Variants in STK39 observed in about 807,000 individuals in gnomAD.
STK39 encodes serine/threonine kinase 39.
STK39 carries 20 observed loss-of-function variants against 77.8 expected under a neutral mutation model. The observed-to-expected ratio is 0.26, with a 90% CI of 0.18 to 0.37. The LOEUF (loss-of-function observed/expected upper bound fraction) is 0.37, where lower values mean the gene tolerates loss of function less well. Among genes scored for constraint, STK39 ranks in the 10% least tolerant of loss-of-function variants. STK39 has a pLI of 1.00. For missense variants in STK39, 479 were observed against 656.5 expected (o/e 0.73, Z 2.95); for synonymous variants, 246 against 234.1 (o/e 1.05, Z -0.47).
intron 1 of STK39, among the ~76,000 whole-genome samples, chr2:168,233,805 C>A (rs2105265799): frequency 6.6e-6 from 1 of 152,242 alleles, no homozygotes; most frequent in East Asian, 1.9e-4. Context: ...ACTACGATAT[C>A]CAACCAAAAG....
intron 5 of STK39, among the ~76,000 whole-genome samples, chr2:168,142,924 T>C (rs534870105): frequency 6.6e-6 from 1 of 152,354 alleles, no homozygotes; most frequent in South Asian, 2.1e-4. Context: ...GCTTATGTTA[T>C]ATACACAAAA....
intron 16 of STK39, among the ~76,000 whole-genome samples, chr2:167,981,571 C>CA (rs1319024768): frequency 6.6e-6 from 1 of 152,076 alleles, no homozygotes. Flanking sequence ...TTATGGAATA[C>CA]AAAAAAATCA....
intron 1 of STK39, among the ~76,000 whole-genome samples, chr2:168,218,367 A>G (rs1212817481): frequency 1.3e-5 from 2 of 152,242 alleles, no homozygotes; most frequent in Non-Finnish European, 2.9e-5. Flanking sequence ...CGCAGTGTTC[A>G]ACATGTATGA....
intron 2 of STK39, among the ~76,000 whole-genome samples, chr2:168,174,258 G>T (rs1314335307): frequency 6.6e-6 from 1 of 152,192 alleles, no homozygotes; most frequent in Non-Finnish European, 1.5e-5. Context: ...GCAATTGAAG[G>T]TCTGGAAAAT....
intron 5 of STK39, among the ~76,000 whole-genome samples, chr2:168,160,466 T>C (rs1193510963): frequency 3.3e-5 from 5 of 151,754 alleles, no homozygotes; most frequent in East Asian, 3.9e-4. Context: ...ATAGTAGTAA[T>C]AGTAGCAACA....
intron 1 of STK39, among the ~76,000 whole-genome samples, chr2:168,229,263 T>C (rs979808662): frequency 1.8e-4 from 28 of 151,900 alleles, no homozygotes; most frequent in African/African-American, 6.8e-4. Flanking sequence ...AGGTGCCTTA[T>C]AATCCCAGCT....
At chr2:168,183,094 T>C (rs1461091393) in intron 1 of STK39, among the ~76,000 whole-genome samples, 3 of 152,204 alleles carry the variant, frequency 2.0e-5, no homozygotes, top group Non-Finnish European at 2.9e-5. Flanking sequence ...ATTTATGTGA[T>C]AGAAAGGCAT....
intron 5 of STK39, among the ~76,000 whole-genome samples, chr2:168,149,577 C>T (rs924406249): frequency 2.6e-5 from 4 of 152,244 alleles, no homozygotes; most frequent in Non-Finnish European, 5.9e-5. Flanking sequence ...TTAACTCTTA[C>T]AGTCTCCTGC....
At chr2:168,029,925 T>C (rs776391085) in intron 14 of STK39, among the ~76,000 whole-genome samples, 2 of 152,118 alleles carry the variant, frequency 1.3e-5, no homozygotes, top group African/African-American at 4.8e-5. Context: ...GGCCAACACC[T>C]TGGACATGTA....
chr2:168,178,750 C>G (rs1003701792), intron 2 of STK39, among the ~76,000 whole-genome samples: 4 of 152,216 alleles, frequency 2.6e-5, no homozygotes, highest in Non-Finnish European at 5.9e-5. Context: ...ATTAGCACTT[C>G]CCTTCAGAAA....
chr2:168,246,848 G>T (rs1196191820), intron 1 of STK39, among the ~76,000 whole-genome samples: 1 of 151,832 alleles, frequency 6.6e-6, no homozygotes, highest in African/African-American at 2.4e-5. Flanking sequence ...CCCACCCGCG[G>T]CTGCCTGTCC....
intron 3 of STK39, among the ~76,000 whole-genome samples, chr2:168,165,775 G>A (rs959252275): frequency 6.6e-6 from 1 of 151,458 alleles, no homozygotes; most frequent in Admixed American, 6.6e-5. Context: ...TGATCCAAGA[G>A]AGTTTCCTTT....
At chr2:168,015,744 G>A (rs3769422) in intron 15 of STK39, among the ~76,000 whole-genome samples, 20,113 of 152,122 alleles carry the variant, frequency 0.13, 2,882 homozygotes, top group African/African-American at 0.35. Flanking sequence ...TGTAATTGAA[G>A]CATTTATTAC....
intron 3 of STK39, among the ~76,000 whole-genome samples, chr2:168,165,364 G>T (rs1001999787): frequency 2.0e-5 from 3 of 150,522 alleles, no homozygotes; most frequent in Non-Finnish European, 4.4e-5. Flanking sequence ...GCTTCATAAA[G>T]CAAAAGGTAA....
At chr2:168,158,762 G>A (rs910015060) in intron 5 of STK39, among the ~76,000 whole-genome samples, 2 of 152,190 alleles carry the variant, frequency 1.3e-5, no homozygotes, top group Admixed American at 6.6e-5. Flanking sequence ...TCATGGAGTT[G>A]TGCTGAGGAC....
intron 10 of STK39, among the ~76,000 whole-genome samples, chr2:168,101,842 T>C (rs946343787): frequency 1.1e-4 from 16 of 152,212 alleles, no homozygotes; most frequent in African/African-American, 3.6e-4. Flanking sequence ...CAATTGTTAG[T>C]ATATTCACAG....
At chr2:168,026,736 G>A (rs56303033) in intron 14 of STK39, among the ~76,000 whole-genome samples, 1 of 152,180 alleles carries the variant, frequency 6.6e-6, no homozygotes, top group Non-Finnish European at 1.5e-5. Flanking sequence ...CACTATAGAC[G>A]GGAAAGTGTC....
chr2:168,179,877 G>A (rs924630748), intron 2 of STK39, among the ~76,000 whole-genome samples: 5 of 152,186 alleles, frequency 3.3e-5, no homozygotes, highest in African/African-American at 9.7e-5. Context: ...AGAGGGAAAC[G>A]TGAAGGCTGT....
chr2:168,247,099 C>T (rs1690938707), intron 1 of STK39, 129 bp downstream of exon 1: 2 of 249,478 alleles, frequency 8.0e-6, no homozygotes, highest in Non-Finnish European at 1.2e-5. Context: ...ACTGTTGAAG[C>T]CAGTAGGCCC....
Sources: gnomAD v4.1 joint callset for allele counts (sites outside exome capture counted in the v4.1 genomes callset) on GRCh38, gnomAD v4.1.1 for gene constraint, MANE v1.5 for transcripts, NCBI Gene and HGNC (gene_info 2026-07-23, HGNC 2026-07-21) for gene names.